Variants in CCDC33 observed in about 807,000 individuals in gnomAD.
CCDC33 encodes coiled-coil domain-containing protein 33.
In CCDC33, 94 loss-of-function variants were observed where a neutral mutation model predicts 91.9. The observed-to-expected ratio is 1.02, with a 90% CI of 0.87 to 1.21. The LOEUF (loss-of-function observed/expected upper bound fraction) is 1.21, where lower values mean the gene tolerates loss of function less well. Among genes scored for constraint, CCDC33 ranks in the 50% most tolerant of loss-of-function variants. The pLI is 0.00. For synonymous variants in CCDC33, 396 were observed against 374.5 expected, an observed-to-expected ratio of 1.06 and a Z score of -0.66; for missense variants, 940 against 935.5, an observed-to-expected ratio of 1.00 and a Z score of -0.06.
chr15:74,299,304 G>A (rs2059747332), intron 11 of CCDC33, among the ~76,000 whole-genome samples: 1 of 152,160 alleles, frequency 6.6e-6, no homozygotes, highest in African/African-American at 2.4e-5. Context: ...AGGACTGGCT[G>A]CTAGCCCTGG....
intron 16 of CCDC33, among the ~76,000 whole-genome samples, chr15:74,333,518 C>T (rs1055438061): frequency 3.9e-5 from 6 of 152,226 alleles, no homozygotes; most frequent in South Asian, 2.1e-4. Flanking sequence ...ACACCTGACT[C>T]ATGGACATCC....
intron 11 of CCDC33, among the ~76,000 whole-genome samples, chr15:74,317,380 G>C (rs901375367): frequency 1.8e-4 from 28 of 152,030 alleles, no homozygotes; most frequent in African/African-American, 3.4e-4. Flanking sequence ...TTCAAAAAAA[G>C]GAAAAAAGAA....
chr15:74,264,124 A>G (rs2076101472), intron 3 of CCDC33, among the ~76,000 whole-genome samples: 1 of 141,622 alleles, frequency 7.1e-6, no homozygotes, highest in South Asian at 2.3e-4. Context: ...GGCAGGGAAT[A>G]TTGGCAGGCA....
In CCDC33 at chr15:74,298,982, A is replaced by G. The variant is rs766420344; in HGVS notation, c.1290+3034A>G. Among the ~76,000 whole-genome samples, 93 of 152,264 alleles carry G rather than the reference A, an allele frequency of 6.1e-4. 2 individuals are homozygous for G. The highest frequency in any genetic ancestry group is 6.0e-3 in the Admixed American group (92 of 15,302). Reference sequence around the variant, plus strand: ...CGCCTTGGCCTCCCAAAGTGCTGAGATTACAGACCTGAGCCACCACACCCA... The same window carrying G: ...CGCCTTGGCCTCCCAAAGTGCTGAGGTTACAGACCTGAGCCACCACACCCA... On this transcript the variant is annotated intron_variant, in intron 11 of 18. Transcript: ENST00000398814.
chr15:74,288,159 A>G (rs1403436018), intron 10 of CCDC33, among the ~76,000 whole-genome samples: 1 of 152,106 alleles, frequency 6.6e-6, no homozygotes, highest in African/African-American at 2.4e-5. Context: ...TGCCCTCTCC[A>G]TCCTCTACTA....
intron 2 of CCDC33, among the ~76,000 whole-genome samples, chr15:74,258,168 A>G (rs959995169): frequency 6.6e-6 from 1 of 152,158 alleles, no homozygotes; most frequent in Non-Finnish European, 1.5e-5. Context: ...TCCACCATCC[A>G]TCCACTTAAA....
chr15:74,328,501 C>T (rs1422391106), intron 11 of CCDC33, among the ~76,000 whole-genome samples: 1 of 152,188 alleles, frequency 6.6e-6, no homozygotes, highest in Non-Finnish European at 1.5e-5. Flanking sequence ...ACTGCAAAGC[C>T]CTGTGTGTGT....
chr15:74,242,690 G>T (rs984041337), intron 1 of CCDC33, among the ~76,000 whole-genome samples: 11 of 152,134 alleles, frequency 7.2e-5, no homozygotes, highest in Admixed American at 5.2e-4. Context: ...AGATTAACTG[G>T]AAGTGGTGAG....
chr15:74,284,142 T>C (rs879430645), intron 10 of CCDC33, among the ~76,000 whole-genome samples: 2 of 152,226 alleles, frequency 1.3e-5, no homozygotes, highest in African/African-American at 2.4e-5. Flanking sequence ...CACCATGAAG[T>C]CCTTGCAGCT....
chr15:74,243,012 C>T (rs374911047), intron 1 of CCDC33, among the ~76,000 whole-genome samples: 14 of 152,224 alleles, frequency 9.2e-5, no homozygotes, highest in African/African-American at 3.1e-4. Context: ...CCGCCTCAGC[C>T]GGCCAGGGCT....
chr15:74,323,950 C>T (rs1176949406), intron 11 of CCDC33, among the ~76,000 whole-genome samples: 1 of 151,874 alleles, frequency 6.6e-6, no homozygotes, highest in East Asian at 1.9e-4. Context: ...AAAATTAGCC[C>T]GGCATAGTGG....
intron 2 of CCDC33, among the ~76,000 whole-genome samples, chr15:74,210,696 C>T (rs951837079): frequency 6.6e-6 from 1 of 152,214 alleles, no homozygotes; most frequent in African/African-American, 2.4e-5. Context: ...CATCACTGAG[C>T]TGTGTGAATT....
intron 7 of CCDC33, among the ~76,000 whole-genome samples, chr15:74,274,275 G>A (rs1279523789): frequency 6.6e-6 from 1 of 152,234 alleles, no homozygotes; most frequent in African/African-American, 2.4e-5. Context: ...GGGGGCGGGT[G>A]CACGCACAGA....
At chr15:74,300,521 G>A (rs12904134) in intron 11 of CCDC33, 48,796 of 152,020 alleles carry the variant, frequency 0.32, 10,654 homozygotes, top group Non-Finnish European at 0.5. Flanking sequence ...ATGAAGAACC[G>A]CCTCCCTCAC....
intron 5 of CCDC33, among the ~76,000 whole-genome samples, 179 bp downstream of exon 5, chr15:74,268,637 G>A (rs8029475): frequency 0.024 from 3,688 of 152,364 alleles, 138 homozygotes; most frequent in African/African-American, 0.084. Context: ...GTGAAGACAA[G>A]CCCTTTGGCA....
intron 2 of CCDC33, among the ~76,000 whole-genome samples, chr15:74,230,787 AC>A (rs1453881517): frequency 6.6e-6 from 1 of 152,030 alleles, no homozygotes; most frequent in Non-Finnish European, 1.5e-5. Flanking sequence ...CCTCGCCACC[AC>A]CCTGCACAGA....
intron 1 of CCDC33, among the ~76,000 whole-genome samples, chr15:74,240,213 T>C (rs2075303172): frequency 6.6e-6 from 1 of 152,218 alleles, no homozygotes; most frequent in Admixed American, 6.5e-5. Flanking sequence ...GCAAGCTTTA[T>C]TCCCAGAAGG....
chr15:74,214,256 G>T (rs891443112), upstream of CCDC33, among the ~76,000 whole-genome samples: 1 of 152,078 alleles, frequency 6.6e-6, no homozygotes, highest in African/African-American at 2.4e-5. Flanking sequence ...CATTCTTTGG[G>T]GGAAGAAAGA....
chr15:74,320,749 C>G (rs1191121459), intron 11 of CCDC33, among the ~76,000 whole-genome samples: 1 of 152,204 alleles, frequency 6.6e-6, no homozygotes, highest in Non-Finnish European at 1.5e-5. Context: ...CTCTGTGTCT[C>G]AGGAGCGCAG....
Sources: gnomAD v4.1 joint callset for allele counts (sites outside exome capture counted in the v4.1 genomes callset) on GRCh38, gnomAD v4.1.1 for gene constraint, MANE v1.5 for transcripts, NCBI Gene and HGNC (gene_info 2026-07-23, HGNC 2026-07-21) for gene names.